Variants in DMD observed in about 807,000 individuals in gnomAD.
The protein encoded by DMD is mutant dystrophin.
DMD carries 63 observed loss-of-function variants against 330.1 expected under a neutral mutation model. The ratio of observed to expected loss-of-function variants is 0.19; its 90% CI spans 0.16 to 0.24. The LOEUF is 0.24. Ranked by LOEUF, DMD falls within the 10% of genes least tolerant of loss-of-function variation. DMD has a pLI of 1.00. For synonymous variants in DMD, 1,223 were observed against 959.8 expected (o/e 1.27, Z -5.07); for missense variants, 3,344 against 2,684.1 (o/e 1.25, Z -5.43).
At chrX:31,892,004 G>T (rs998092525) in intron 47 of DMD, among the ~76,000 whole-genome samples, 2 of 112,139 alleles carry the variant, frequency 1.8e-5, no homozygotes, top group Non-Finnish European at 3.8e-5. Context: ...GACCCTCCTG[G>T]TCTGTTTTTG....
intron 44 of DMD, among the ~76,000 whole-genome samples, chrX:32,211,084 T>C (rs963380712): frequency 1.4e-4 from 15 of 105,517 alleles, no homozygotes; most frequent in Middle Eastern, 4.9e-3. Context: ...GCTTTGACAT[T>C]TTTGTACTCT....
chrX:32,891,582 G>T (rs1220736854), intron 2 of DMD, among the ~76,000 whole-genome samples: 1 of 111,570 alleles, frequency 9.0e-6, no homozygotes, highest in Non-Finnish European at 1.9e-5. Context: ...GAAAAATCAG[G>T]CTTCCTTATT....
intron 44 of DMD, among the ~76,000 whole-genome samples, chrX:32,074,789 T>TC (rs2096329809): frequency 1.8e-5 from 2 of 109,736 alleles, no homozygotes; most frequent in African/African-American, 6.7e-5. Flanking sequence ...TTTTTTTTTT[T>TC]AATTGCAATC....
chrX:33,293,223 T>C (rs1249769433), intron 1 of DMD, among the ~76,000 whole-genome samples: 1 of 111,630 alleles, frequency 9.0e-6, no homozygotes, highest in Non-Finnish European at 1.9e-5. Context: ...GTACCTTGGC[T>C]ATAGCAGGTT....
intron 62 of DMD, among the ~76,000 whole-genome samples, chrX:31,284,557 T>TTTCTTCTTCTTC (rs201340042): frequency 0.047 from 3,662 of 77,997 alleles, 170 homozygotes; most frequent in South Asian, 0.1. Flanking sequence ...TAACGAACTG[T>TTTCTTCTTCTTC]TTCTTCTTCT....
At chrX:32,642,264 T>G (rs1377617068) in intron 11 of DMD, among the ~76,000 whole-genome samples, 1 of 112,305 alleles carries the variant, frequency 8.9e-6, no homozygotes, top group African/African-American at 3.2e-5. Flanking sequence ...TCCAGAAAAG[T>G]CTATGTGATA....
chrX:33,017,202 C>T (rs561055867), intron 2 of DMD, among the ~76,000 whole-genome samples: 30 of 111,525 alleles, frequency 2.7e-4, no homozygotes, highest in African/African-American at 1.6e-4. Context: ...CTTCAAATGA[C>T]GCCACAACAA....
At chrX:33,252,906 G>A (rs986616363) in intron 1 of DMD, among the ~76,000 whole-genome samples, 2 of 111,531 alleles carry the variant, frequency 1.8e-5, no homozygotes, top group Non-Finnish European at 3.8e-5. Flanking sequence ...TTACATGTTT[G>A]TATATGACAG....
intron 46 of DMD, among the ~76,000 whole-genome samples, chrX:31,930,875 C>G (rs2094844544): frequency 8.9e-6 from 1 of 112,404 alleles, no homozygotes; most frequent in Admixed American, 9.4e-5. Context: ...GTTCATTGTT[C>G]TAGGGTATAA....
intron 17 of DMD, among the ~76,000 whole-genome samples, chrX:32,533,197 A>G (rs188241255): frequency 4.0e-3 from 447 of 111,549 alleles, no homozygotes; most frequent in Non-Finnish European, 7.3e-3. Context: ...CACAGTAGCC[A>G]TATCATATTT....
chrX:32,686,818 C>T (rs753168804), intron 9 of DMD, among the ~76,000 whole-genome samples: 2 of 110,448 alleles, frequency 1.8e-5, no homozygotes, highest in Admixed American at 9.7e-5. Flanking sequence ...AACTAGAGAT[C>T]GCCCTACAGA....
rs146944938 is a variant in DMD at position 31,639,532 on chromosome X, C to G, written c.8028-11670G>C. 4.5e-5 allele frequency among the ~76,000 whole-genome samples: 5 copies of G among 111,900 alleles called. No homozygotes were observed. The East Asian group carries it at 1.4e-3, about 31-fold the overall frequency. Reference sequence around the variant, plus strand: ...GTTAGGAATTTTGCCAAGAGTTGTTCAGCATTTTGGAAAATTACGCTATGG... The same window carrying G: ...GTTAGGAATTTTGCCAAGAGTTGTTGAGCATTTTGGAAAATTACGCTATGG... On this transcript the variant is annotated intron_variant, in intron 54 of 78. Transcript: ENST00000357033.
chrX:32,248,301 T>C (rs1366192648), intron 43 of DMD, among the ~76,000 whole-genome samples: 4 of 111,458 alleles, frequency 3.6e-5, no homozygotes, highest in African/African-American at 1.3e-4. Flanking sequence ...GTAGAGGAGA[T>C]TTACAAAAAA....
chrX:31,965,778 AG>A (rs2095345562), intron 45 of DMD, among the ~76,000 whole-genome samples: 1 of 111,898 alleles, frequency 8.9e-6, no homozygotes, highest in African/African-American at 3.2e-5. Context: ...TTAAGCCTAT[AG>A]ATGTATCCAG....
At chrX:31,276,739 G>C (rs1394803330) in intron 62 of DMD, among the ~76,000 whole-genome samples, 1 of 111,997 alleles carries the variant, frequency 8.9e-6, no homozygotes, top group African/African-American at 3.2e-5. Context: ...ATATTACATA[G>C]CAATTAGAAT....
intron 1 of DMD, among the ~76,000 whole-genome samples, chrX:33,063,752 C>T (rs2094609280): frequency 9.0e-6 from 1 of 110,573 alleles, no homozygotes; most frequent in Admixed American, 9.8e-5. Context: ...GCCCATACCC[C>T]ACCCCAGACC....
At chrX:32,024,486 CAAA>C (rs71872956) in intron 44 of DMD, among the ~76,000 whole-genome samples, 27,074 of 61,197 alleles carry the variant, frequency 0.44, 4,512 homozygotes, top group Admixed American at 0.56. Context: ...AACTCCCTCT[CAAA>C]AAAAAAAAAA....
chrX:32,522,943 T>C lies in DMD; in HGVS notation c.2169-4812A>G, dbSNP rs1245291333. On this transcript the variant is annotated intron_variant, in intron 17 of 78. Coordinates refer to ENST00000357033, the MANE Select transcript of DMD (RefSeq NM_004006.3). Reference sequence around the variant, plus strand: ...CCACCAGTCACTTTCAAATTCACGCTTTAAACTTAATCTCTCTAGTCTCAC... The same window carrying C: ...CCACCAGTCACTTTCAAATTCACGCCTTAAACTTAATCTCTCTAGTCTCAC... Among the ~76,000 whole-genome samples, 5 of 112,017 alleles carry C rather than the reference T, an allele frequency of 4.5e-5. No homozygotes were observed. The South Asian group carries it at 1.9e-3, about 42-fold the overall frequency.
chrX:31,695,267 C>T (rs1349297031), intron 52 of DMD, among the ~76,000 whole-genome samples: 1 of 110,485 alleles, frequency 9.1e-6, no homozygotes, highest in Non-Finnish European at 1.9e-5. Context: ...TTACCAGAGG[C>T]TACAAAGGGT....
Sources: gnomAD v4.1 joint callset for allele counts (sites outside exome capture counted in the v4.1 genomes callset) on GRCh38, gnomAD v4.1.1 for gene constraint, MANE v1.5 for transcripts, NCBI Gene and HGNC (gene_info 2026-07-23, HGNC 2026-07-21) for gene names.